TCP11L2: variants seen among roughly 807,000 people sequenced by gnomAD.
TCP11L2 encodes t-complex 11 like 2.
TCP11L2 carries 39 observed loss-of-function variants against 50.7 expected under a neutral mutation model. The observed-to-expected ratio is 0.77, with a 90% CI of 0.60 to 1.01. The LOEUF (loss-of-function observed/expected upper bound fraction) is 1.01. TCP11L2 is among the 50% of genes least tolerant of loss of function. The probability of loss-of-function intolerance (pLI) is 0.00; values close to 1 mark genes in which losing one functional copy is unlikely to be tolerated. For synonymous variants in TCP11L2, 192 were observed against 219.3 expected, an observed-to-expected ratio of 0.88 and a Z score of 1.10; for missense variants, 612 against 614.7, an observed-to-expected ratio of 1.00 and a Z score of 0.05.
At chr12:106,340,485 AC>A in intron 8 of TCP11L2, among the ~76,000 whole-genome samples, 1 of 152,366 alleles carries the variant, frequency 6.6e-6, no homozygotes, top group East Asian at 1.9e-4. Context: ...ATCCACTCAG[AC>A]CAACAAGTTT....
rs982994992 is a variant in TCP11L2 at position 106,346,668 on chromosome 12, T to C, written c.*138T>C. On this transcript the variant is annotated 3_prime_UTR_variant, in exon 10 of 10. Transcript: ENST00000299045. ...GCCCAAATCTGTGTAATGGGTAATA[T>C]TAGCATTACAGAAGACACACACATC... 7.5e-6 allele frequency: 8 copies of C among 1,060,114 alleles called. No homozygotes were observed. In the African/African-American group the frequency reaches 1.1e-4, roughly 15 times the overall value. 65.7% of individuals were successfully genotyped at this position (1,060,114 alleles called of 1,614,324 possible).
intron 9 of TCP11L2, among the ~76,000 whole-genome samples, chr12:106,342,761 G>C (rs1469859793): frequency 6.6e-6 from 1 of 152,204 alleles, no homozygotes; most frequent in Non-Finnish European, 1.5e-5. Context: ...TCCCCAGCCT[G>C]TCTGACTCCA....
chr12:106,313,847 GCTC>G (rs991946273), intron 2 of TCP11L2, among the ~76,000 whole-genome samples: 2 of 144,716 alleles, frequency 1.4e-5, no homozygotes, highest in African/African-American at 5.1e-5. Context: ...CTCACTGCAA[GCTC>G]CTCCTCCTGG....
At chr12:106,333,188 A>T (rs1280123541) in intron 6 of TCP11L2, among the ~76,000 whole-genome samples, 1 of 152,172 alleles carries the variant, frequency 6.6e-6, no homozygotes, top group African/African-American at 2.4e-5. Context: ...TTGACAATAT[A>T]CTATAGTTAT....
chr12:106,336,297 T>C (rs1295263709), intron 8 of TCP11L2, 84 bp downstream of exon 8: 19 of 1,280,516 alleles, frequency 1.5e-5, no homozygotes, highest in Non-Finnish European at 1.9e-5. Flanking sequence ...CTTGGACATC[T>C]GGATGTGAGA....
At chr12:106,346,191 T>G in intron 9 of TCP11L2, 95 bp from the exon 10 acceptor site, 1 of 1,284,060 alleles carries the variant, frequency 7.8e-7, no homozygotes, top group Non-Finnish European at 1.1e-6. Flanking sequence ...TTGGGAACAT[T>G]ATTGCAGTCA....
intron 9 of TCP11L2, among the ~76,000 whole-genome samples, chr12:106,345,975 G>C (rs2036218016): frequency 1.3e-5 from 2 of 152,166 alleles, no homozygotes. Context: ...GGCGGTAGTA[G>C]GTAGACGGTG....
intron 3 of TCP11L2, among the ~76,000 whole-genome samples, chr12:106,315,352 ACC>A (rs1341019711): frequency 2.0e-5 from 3 of 152,226 alleles, no homozygotes; most frequent in African/African-American, 7.2e-5. Context: ...ACATTGGTGA[ACC>A]CCCTAGACTA....
chr12:106,332,529 A>G (rs543059011), intron 6 of TCP11L2, among the ~76,000 whole-genome samples: 3 of 152,316 alleles, frequency 2.0e-5, no homozygotes, highest in African/African-American at 4.8e-5. Flanking sequence ...AACAAAGCCA[A>G]TCTCAAAGGG....
intron 8 of TCP11L2, 51 bp downstream of exon 8, chr12:106,336,264 G>A (rs773184079): frequency 6.7e-7 from 1 of 1,503,720 alleles, no homozygotes; most frequent in South Asian, 1.3e-5. Context: ...GGCTCTGCAT[G>A]TGTCTCAGAG....
At chr12:106,307,780 G>A (rs1331899897) in intron 1 of TCP11L2, among the ~76,000 whole-genome samples, 1 of 152,096 alleles carries the variant, frequency 6.6e-6, no homozygotes, top group Non-Finnish European at 1.5e-5. Context: ...ACATAAAACT[G>A]TTCTTCCCTC....
chr12:106,322,706 G>C (rs1377799347), intron 5 of TCP11L2, among the ~76,000 whole-genome samples: 1 of 152,184 alleles, frequency 6.6e-6, no homozygotes, highest in Non-Finnish European at 1.5e-5. Context: ...AAAGGTAGGA[G>C]AAAGACTGGT....
chr12:106,335,317 C>T (rs2035878226), intron 6 of TCP11L2, among the ~76,000 whole-genome samples: 1 of 152,168 alleles, frequency 6.6e-6, no homozygotes, highest in African/African-American at 2.4e-5. Flanking sequence ...CTTTATGGAC[C>T]AGCAATACAG....
chr12:106,336,256 C>T (rs10717199), intron 8 of TCP11L2, 43 bp downstream of exon 8: 250,103 of 1,548,706 alleles, frequency 0.16, 21,158 homozygotes, highest in Middle Eastern at 0.18. Context: ...TGTATTAAGG[C>T]TCTGCATGTG....
intron 6 of TCP11L2, 93 bp downstream of exon 6, chr12:106,323,739 TA>T (rs71843294): frequency 0.22 from 90,441 of 412,556 alleles, 14,174 homozygotes; most frequent in East Asian, 0.66. Context: ...TAAATTAAAT[TA>T]AATTAATAAA....
At chr12:106,340,751 C>T in intron 8 of TCP11L2, 75 bp from the exon 9 acceptor site, 6 of 1,291,450 alleles carry the variant, frequency 4.6e-6, no homozygotes, top group Non-Finnish European at 6.3e-6. Context: ...ACATCTAAAA[C>T]AAGTCTGTAT....
At chr12:106,313,039 ATTC>A (rs2034920446) in intron 2 of TCP11L2, among the ~76,000 whole-genome samples, 1 of 152,214 alleles carries the variant, frequency 6.6e-6, no homozygotes, top group African/African-American at 2.4e-5. Context: ...AATAACTCAG[ATTC>A]TTCATTTACT....
At chr12:106,306,549 A>G (rs1375182130) in intron 1 of TCP11L2, among the ~76,000 whole-genome samples, 1 of 152,248 alleles carries the variant, frequency 6.6e-6, no homozygotes, top group African/African-American at 2.4e-5. Flanking sequence ...GCTTCAGTAT[A>G]GGATCCACTC....
At chr12:106,304,971 A>C (rs17038342) in intron 1 of TCP11L2, among the ~76,000 whole-genome samples, 3,576 of 152,288 alleles carry the variant, frequency 0.023, 55 homozygotes, top group Non-Finnish European at 0.035. Context: ...GGATAAGATC[A>C]GCTTGCTACC....
Sources: gnomAD v4.1 joint callset for allele counts (sites outside exome capture counted in the v4.1 genomes callset) on GRCh38, gnomAD v4.1.1 for gene constraint, MANE v1.5 for transcripts, NCBI Gene and HGNC (gene_info 2026-07-23, HGNC 2026-07-21) for gene names.